Variants in SCFD2 observed in about 807,000 individuals in gnomAD.
SCFD2 encodes the protein sec1 family domain-containing protein 2.
A neutral mutation model predicts 58.9 loss-of-function variants in SCFD2; 54 were observed. That is an observed-to-expected ratio of 0.92 (90% CI 0.74 to 1.15). SCFD2 has a LOEUF of 1.15. Ranked by LOEUF, SCFD2 falls within the 50% of genes most tolerant of loss-of-function variation. SCFD2 has a pLI of 0.00. For synonymous variants in SCFD2, 321 were observed against 335.9 expected (o/e 0.96, Z 0.49); for missense variants, 805 against 836.6 (o/e 0.96, Z 0.47).
At chr4:52,886,478 C>T (rs1390263972) in intron 7 of SCFD2, among the ~76,000 whole-genome samples, 1 of 152,254 alleles carries the variant, frequency 6.6e-6, no homozygotes, top group East Asian at 1.9e-4. Flanking sequence ...TGGGTATGAG[C>T]TATAACATGG....
chr4:53,110,599 C>G (rs981499368), intron 5 of SCFD2, among the ~76,000 whole-genome samples: 6 of 151,882 alleles, frequency 4.0e-5, no homozygotes, highest in African/African-American at 1.4e-4. Flanking sequence ...CTCATCATCA[C>G]TGGTCCTCAG....
chr4:53,293,723 G>C (rs1330627684), intron 3 of SCFD2, among the ~76,000 whole-genome samples: 1 of 152,044 alleles, frequency 6.6e-6, no homozygotes, highest in Non-Finnish European at 1.5e-5. Context: ...TATATGGCAG[G>C]AATGCTCACT....
At chr4:52,920,909 C>CT (rs751752179) in intron 5 of SCFD2, 39 bp from the exon 6 acceptor site, 13 of 1,459,618 alleles carry the variant, frequency 8.9e-6, no homozygotes, top group African/African-American at 1.4e-5. Flanking sequence ...GTGAGTAAAT[C>CT]TTTAAGTTTT....
chr4:53,269,316 C>T (rs1056103106), intron 4 of SCFD2, among the ~76,000 whole-genome samples: 8 of 151,544 alleles, frequency 5.3e-5, no homozygotes, highest in Non-Finnish European at 1.2e-4. Flanking sequence ...AGAGTGAGAC[C>T]CTGTCTCAAA....
chr4:53,173,856 C>G (rs1330554957), intron 4 of SCFD2, among the ~76,000 whole-genome samples: 1 of 152,098 alleles, frequency 6.6e-6, no homozygotes, highest in Non-Finnish European at 1.5e-5. Context: ...CTTTTACTCC[C>G]CACGCTCATA....
At chr4:52,880,835 G>A (rs917216067) in intron 8 of SCFD2, among the ~76,000 whole-genome samples, 1 of 152,132 alleles carries the variant, frequency 6.6e-6, no homozygotes, top group Admixed American at 6.5e-5. Context: ...ACAATCACAG[G>A]CTTCTGCTAG....
At chr4:53,288,103 A>G (rs111798436) in intron 3 of SCFD2, among the ~76,000 whole-genome samples, 4 of 152,076 alleles carry the variant, frequency 2.6e-5, no homozygotes, top group Admixed American at 2.6e-4. Context: ...TATAAAAAAA[A>G]TTAAAGAAAT....
At chr4:53,141,133 G>C (rs1726151253) in intron 5 of SCFD2, among the ~76,000 whole-genome samples, 1 of 152,050 alleles carries the variant, frequency 6.6e-6, no homozygotes. Flanking sequence ...TTTAAAAGGT[G>C]ATTTATTTGA....
intron 4 of SCFD2, among the ~76,000 whole-genome samples, chr4:53,239,210 C>T (rs1165554739): frequency 2.0e-5 from 3 of 151,760 alleles, no homozygotes; most frequent in Admixed American, 6.6e-5. Context: ...ACCAGTCAGG[C>T]GTGGCGGCGC....
At chr4:53,346,011 G>C (rs1353179800) in intron 2 of SCFD2, among the ~76,000 whole-genome samples, 3 of 152,090 alleles carry the variant, frequency 2.0e-5, no homozygotes, top group Non-Finnish European at 4.4e-5. Flanking sequence ...ATGACGAGTT[G>C]ATGGGTGCAG....
intron 3 of SCFD2, among the ~76,000 whole-genome samples, chr4:53,309,738 A>C (rs1358775922): frequency 6.6e-6 from 1 of 152,222 alleles, no homozygotes; most frequent in East Asian, 1.9e-4. Context: ...GAAAGGAGAA[A>C]TAATCTAACT....
intron 5 of SCFD2, among the ~76,000 whole-genome samples, chr4:53,135,647 C>A (rs1375925166): frequency 6.6e-6 from 1 of 151,972 alleles, no homozygotes; most frequent in East Asian, 1.9e-4. Context: ...GAGGCTGAGG[C>A]AGGAGAATCG....
intron 2 of SCFD2, among the ~76,000 whole-genome samples, chr4:53,314,039 T>G (rs1470471953): frequency 6.6e-6 from 1 of 152,188 alleles, no homozygotes; most frequent in East Asian, 1.9e-4. Flanking sequence ...ATAAATTTTT[T>G]CAAAGATTTT....
intron 4 of SCFD2, 182 bp downstream of exon 4, chr4:53,273,644 T>C: frequency 1.9e-6 from 1 of 517,998 alleles, no homozygotes; most frequent in Non-Finnish European, 3.2e-6. Context: ...CAAAATTTTT[T>C]TTTAAACAGG....
intron 3 of SCFD2, among the ~76,000 whole-genome samples, chr4:53,307,329 G>A (rs1220080285): frequency 6.6e-6 from 1 of 152,186 alleles, no homozygotes. Flanking sequence ...ATACTATCCT[G>A]AGGGACCCAC....
At chr4:53,216,935 T>A (rs1055859999) in intron 4 of SCFD2, among the ~76,000 whole-genome samples, 2 of 152,254 alleles carry the variant, frequency 1.3e-5, no homozygotes, top group African/African-American at 2.4e-5. Flanking sequence ...GGTTATTCAG[T>A]TTCCATGTAG....
intron 2 of SCFD2, among the ~76,000 whole-genome samples, chr4:53,348,529 TG>T (rs1208239844): frequency 6.6e-6 from 1 of 152,198 alleles, no homozygotes; most frequent in East Asian, 1.9e-4. Flanking sequence ...TCCAAGCAAT[TG>T]AAAAAAACTA....
intron 5 of SCFD2, among the ~76,000 whole-genome samples, chr4:53,038,065 G>T (rs181676619): frequency 4.6e-5 from 7 of 152,230 alleles, no homozygotes; most frequent in African/African-American, 1.7e-4. Context: ...TTCTAAGAGG[G>T]TTGGCCAATG....
chr4:52,949,511 ACC>A (rs1414928319), intron 5 of SCFD2: 1 of 152,138 alleles, frequency 6.6e-6, no homozygotes, highest in East Asian at 1.9e-4. Context: ...TTTTGACTTA[ACC>A]AACAGGTGTT....
Sources: gnomAD v4.1 joint callset for allele counts (sites outside exome capture counted in the v4.1 genomes callset) on GRCh38, gnomAD v4.1.1 for gene constraint, MANE v1.5 for transcripts, NCBI Gene and HGNC (gene_info 2026-07-23, HGNC 2026-07-21) for gene names.